Variants in OXR1 observed in about 807,000 individuals in gnomAD.
OXR1 encodes oxidation resistance 1.
OXR1 carries 41 observed loss-of-function variants against 104.6 expected under a neutral mutation model. The observed-to-expected ratio is 0.39, with a 90% CI of 0.31 to 0.51. The LOEUF is 0.51. Ranked by LOEUF, OXR1 falls within the 20% of genes least tolerant of loss-of-function variation. OXR1 has a pLI of 0.77. For missense variants in OXR1, 955 were observed against 1,031.9 expected, an observed-to-expected ratio of 0.93 and a Z score of 1.02; for synonymous variants, 348 against 348.4, an observed-to-expected ratio of 1.00 and a Z score of 0.01.
Position 106,706,789 on chromosome 8 carries a change from A to G in OXR1, c.1268A>G (p.Glu423Gly). The G allele has an allele frequency of 1.9e-6, 3 of 1,612,788 alleles. No homozygotes were observed. The highest frequency in any genetic ancestry group is 2.5e-6 in the Non-Finnish European group (3 of 1,179,664). The change falls in exon 9 of 17, where the codon GAA (glutamate) becomes GGA (glycine). Residue 423 changes from glutamate to glycine, a missense_variant. Transcript: ENST00000517566. ...AATAATCTTGAAATGGCCATTAAGG[A>G]AGATCAGATTGCAGATAACTTTCAA... Reference protein sequence around the residue: ...DLNNLEMAIKEDQIADNFQGI... With the variant: ...DLNNLEMAIKGDQIADNFQGI...
intron 3 of OXR1, among the ~76,000 whole-genome samples, chr8:106,550,516 T>C (rs1290132324): frequency 2.6e-5 from 4 of 152,192 alleles, no homozygotes; most frequent in African/African-American, 9.7e-5. Context: ...TCGTCTTGAA[T>C]TGTTATTGTC....
intron 2 of OXR1, among the ~76,000 whole-genome samples, chr8:106,500,211 T>C (rs1811696722): frequency 6.6e-6 from 1 of 152,230 alleles, no homozygotes; most frequent in Non-Finnish European, 1.5e-5. Context: ...CATATTATTT[T>C]ATATTGTTTT....
intron 3 of OXR1, among the ~76,000 whole-genome samples, chr8:106,668,180 CTTA>C (rs1398157967): frequency 6.6e-6 from 1 of 151,960 alleles, no homozygotes; most frequent in African/African-American, 2.4e-5. Flanking sequence ...TTTTTTATAA[CTTA>C]TTATTGTTCT....
chr8:106,285,900 T>TGCCC (rs1351711874), intron 1 of OXR1, among the ~76,000 whole-genome samples: 3 of 152,220 alleles, frequency 2.0e-5, no homozygotes, highest in African/African-American at 7.2e-5. Flanking sequence ...CTTTGTGGAC[T>TGCCC]TCCCTCCTTC....
chr8:106,653,920 A>G (rs1029704712), intron 3 of OXR1, among the ~76,000 whole-genome samples: 2 of 152,066 alleles, frequency 1.3e-5, no homozygotes, highest in Admixed American at 1.3e-4. Flanking sequence ...TTCAAAAATC[A>G]ATTTTATTTC....
intron 1 of OXR1, among the ~76,000 whole-genome samples, chr8:106,339,885 T>A (rs1815169270): frequency 6.6e-6 from 1 of 152,104 alleles, no homozygotes; most frequent in African/African-American, 2.4e-5. Flanking sequence ...GATAAAGTAC[T>A]TAGAACAAAG....
At chr8:106,395,722 A>T (rs1817750192) in intron 2 of OXR1, among the ~76,000 whole-genome samples, 1 of 152,118 alleles carries the variant, frequency 6.6e-6, no homozygotes, top group African/African-American at 2.4e-5. Context: ...TCTGTCTACC[A>T]AGAGGGCCAA....
At chr8:106,623,267 T>G (rs1246715659) in intron 3 of OXR1, among the ~76,000 whole-genome samples, 1 of 152,016 alleles carries the variant, frequency 6.6e-6, no homozygotes, top group Non-Finnish European at 1.5e-5. Context: ...TTTAATTTCT[T>G]TTTGTAAAAA....
At chr8:106,286,251 A>C (rs1030802266) in intron 1 of OXR1, among the ~76,000 whole-genome samples, 15 of 148,794 alleles carry the variant, frequency 1.0e-4, no homozygotes, top group Non-Finnish European at 2.2e-4. Flanking sequence ...AAACAAAACA[A>C]AAAGTAAAAA....
intron 1 of OXR1, among the ~76,000 whole-genome samples, chr8:106,338,396 C>G (rs1196495711): frequency 6.6e-6 from 1 of 151,862 alleles, no homozygotes; most frequent in Non-Finnish European, 1.5e-5. Flanking sequence ...AACCTAGTCT[C>G]TACTAAAAAT....
chr8:106,397,284 G>A (rs996871190), intron 2 of OXR1, among the ~76,000 whole-genome samples: 3 of 152,116 alleles, frequency 2.0e-5, no homozygotes, highest in East Asian at 1.9e-4. Context: ...GGGCTTAAGG[G>A]TAGTAAGTAA....
At chr8:106,615,930 T>C (rs184138482) in intron 3 of OXR1, among the ~76,000 whole-genome samples, 1 of 152,226 alleles carries the variant, frequency 6.6e-6, no homozygotes, top group Admixed American at 6.5e-5. Flanking sequence ...ATTGTTATCA[T>C]TGGCATTACT....
At chr8:106,348,292 AACAC>A (rs1017539638) in intron 1 of OXR1, among the ~76,000 whole-genome samples, 5 of 152,118 alleles carry the variant, frequency 3.3e-5, no homozygotes, top group Admixed American at 3.3e-4. Flanking sequence ...GTCTTCAGAA[AACAC>A]ACACAAACAC....
intron 2 of OXR1, among the ~76,000 whole-genome samples, chr8:106,456,930 A>T (rs1258594712): frequency 6.6e-6 from 1 of 152,202 alleles, no homozygotes; most frequent in African/African-American, 2.4e-5. Flanking sequence ...TTTGCATTGT[A>T]CATAATAACA....
intron 11 of OXR1, among the ~76,000 whole-genome samples, chr8:106,731,081 TATCTC>T (rs1833846064): frequency 6.6e-6 from 1 of 152,174 alleles, no homozygotes; most frequent in African/African-American, 2.4e-5. Flanking sequence ...TGTGTAGTGA[TATCTC>T]AATCATTTTA....
intron 2 of OXR1, among the ~76,000 whole-genome samples, chr8:106,377,517 G>T (rs535065982): frequency 3.2e-4 from 49 of 152,248 alleles, no homozygotes; most frequent in African/African-American, 1.1e-3. Flanking sequence ...AATTATATTT[G>T]ACGCAATCAG....
At chr8:106,364,127 G>A (rs1327596675) in intron 2 of OXR1, among the ~76,000 whole-genome samples, 3 of 152,084 alleles carry the variant, frequency 2.0e-5, no homozygotes, top group Non-Finnish European at 4.4e-5. Context: ...CAAAGCCTAA[G>A]TTGGGTAAGT....
intron 1 of OXR1, among the ~76,000 whole-genome samples, chr8:106,281,476 C>T (rs1049087667): frequency 3.3e-5 from 5 of 152,054 alleles, no homozygotes; most frequent in East Asian, 1.9e-4. Flanking sequence ...TTCATGAAAA[C>T]GTTCGGACAA....
chr8:106,427,429 A>G (rs550301837), intron 2 of OXR1, among the ~76,000 whole-genome samples: 1 of 152,214 alleles, frequency 6.6e-6, no homozygotes, highest in East Asian at 1.9e-4. Flanking sequence ...AGCCTCCCAA[A>G]GGGCTGGGAT....
Sources: gnomAD v4.1 joint callset for allele counts (sites outside exome capture counted in the v4.1 genomes callset) on GRCh38, gnomAD v4.1.1 for gene constraint, MANE v1.5 for transcripts, NCBI Gene and HGNC (gene_info 2026-07-23, HGNC 2026-07-21) for gene names.